The following TRPC4AP variants were observed in gnomAD, a reference collection of about 807,000 sequenced individuals.
TRPC4AP encodes transient receptor potential cation channel subfamily C member 4 associated protein, also known as short transient receptor potential channel 4-associated protein.
TRPC4AP carries 45 observed loss-of-function variants against 99.0 expected under a neutral mutation model. The observed-to-expected ratio is 0.45, with a 90% CI of 0.36 to 0.58. The LOEUF (loss-of-function observed/expected upper bound fraction) is 0.58. Among genes scored for constraint, TRPC4AP ranks in the 20% least tolerant of loss-of-function variants. The pLI, the probability that TRPC4AP is intolerant of heterozygous loss-of-function variation, is 0.00. For synonymous variants in TRPC4AP, 408 were observed against 385.8 expected (o/e 1.06, Z -0.67); for missense variants, 879 against 985.3 (o/e 0.89, Z 1.44).
At chr20:35,077,966 G>A (rs769981494) in intron 2 of TRPC4AP, 80 bp downstream of exon 2, 103 of 1,459,434 alleles carry the variant, frequency 7.1e-5, no homozygotes, top group Admixed American at 1.6e-4. Context: ...AAAAGCCAAC[G>A]GAAGGGAAAA....
intron 3 of TRPC4AP, among the ~76,000 whole-genome samples, chr20:35,062,994 T>C (rs2084047005): frequency 6.6e-6 from 1 of 152,250 alleles, no homozygotes; most frequent in Admixed American, 6.5e-5. Flanking sequence ...TTTGGCTGTG[T>C]GCCCTCACCC....
At chr20:35,021,487 G>A (rs1419800637) in intron 8 of TRPC4AP, 131 bp from the exon 9 acceptor site, 3 of 1,040,264 alleles carry the variant, frequency 2.9e-6, no homozygotes, top group Non-Finnish European at 2.7e-6. Context: ...CACAGACTCT[G>A]AAAGCTGCAA....
intron 1 of TRPC4AP, among the ~76,000 whole-genome samples, chr20:35,079,679 G>A (rs2084577459): frequency 6.6e-6 from 1 of 152,038 alleles, no homozygotes; most frequent in East Asian, 1.9e-4. Flanking sequence ...CTAATATGTG[G>A]TACATAAGAG....
chr20:35,044,742 A>G (rs1399869041), intron 6 of TRPC4AP, 30 bp from the exon 7 acceptor site: 2 of 1,607,026 alleles, frequency 1.2e-6, no homozygotes, highest in East Asian at 4.5e-5. Flanking sequence ...AACAATCCCC[A>G]TGCTCAATTC....
chr20:35,066,327 T>C lies in TRPC4AP; in HGVS notation c.414+2969A>G, dbSNP rs951997765. ...TTGCCGTGTTGCCCAGGCTGGTCTC[T>C]AACTCCTCAACTCATGCAATCCGCC... On this transcript the variant is annotated intron_variant, in intron 3 of 18. Coordinates refer to ENST00000252015, the MANE Select transcript of TRPC4AP (RefSeq NM_015638.3). Among the ~76,000 whole-genome samples, 16 of 152,066 alleles carry C rather than the reference T, an allele frequency of 1.1e-4. 1 individual carries two copies. Among genetic ancestry groups the C allele is most frequent in the Admixed American group, 7.2e-4 (11 of 15,260 alleles).
intron 1 of TRPC4AP, among the ~76,000 whole-genome samples, chr20:35,080,625 G>A (rs1034558674): frequency 3.6e-4 from 55 of 150,758 alleles, no homozygotes; most frequent in African/African-American, 1.2e-3. Context: ...TCCAGAATAA[G>A]CATATCCAGA....
intron 9 of TRPC4AP, among the ~76,000 whole-genome samples, chr20:35,019,407 G>C (rs2082833201): frequency 6.6e-6 from 1 of 152,160 alleles, no homozygotes; most frequent in South Asian, 2.1e-4. Flanking sequence ...AGGGAACAGA[G>C]AACTGCTGTG....
chr20:35,011,061 C>G (rs528139393), intron 11 of TRPC4AP, among the ~76,000 whole-genome samples: 5 of 152,298 alleles, frequency 3.3e-5, no homozygotes, highest in African/African-American at 1.2e-4. Flanking sequence ...GAGTTCGAGA[C>G]CAGCCTGGCC....
intron 4 of TRPC4AP, among the ~76,000 whole-genome samples, chr20:35,055,894 TA>T (rs2083814694): frequency 6.6e-6 from 1 of 152,216 alleles, no homozygotes; most frequent in African/African-American, 2.4e-5. Flanking sequence ...GAAAGTAGCA[TA>T]AAAACGAAAC....
intron 1 of TRPC4AP, among the ~76,000 whole-genome samples, chr20:35,084,670 ATG>A (rs1417515876): frequency 7.9e-6 from 1 of 127,060 alleles, no homozygotes; most frequent in Non-Finnish European, 1.5e-5. Context: ...ATATGTGTAT[ATG>A]TATATATGTT....
chr20:35,060,584 C>CGAAAAAAAAAAAAAAAAAAAA (rs1569133058), intron 3 of TRPC4AP, among the ~76,000 whole-genome samples: 2 of 45,886 alleles, frequency 4.4e-5, no homozygotes, highest in Non-Finnish European at 8.6e-5. Context: ...GACCTTGTCT[C>CGAAAAAAAAAAAAAAAAAAAA]CAAAAAAAAA....
rs769992424 is a variant in TRPC4AP at position 35,004,582 on chromosome 20, G to A, written c.1937-12C>T. The A allele has an allele frequency of 6.2e-7, 1 of 1,611,118 alleles. No homozygotes were observed. The highest frequency in any genetic ancestry group is 1.1e-5 in the South Asian group (1 of 90,672). On this transcript the variant is annotated splice_polypyrimidine_tract_variant and intron_variant, in intron 16 of 18. Transcript: ENST00000252015. The stretch of plus-strand genomic sequence containing the variant: ...CAGTACCTCGGCAACTGTGGAGGGA[G>A]GCAGGGGTGCAGCAGGTCAGGCTTA...
chr20:35,016,668 G>A (rs755164840), intron 9 of TRPC4AP, among the ~76,000 whole-genome samples: 3 of 152,162 alleles, frequency 2.0e-5, no homozygotes, highest in Non-Finnish European at 4.4e-5. Flanking sequence ...AAGCCTTTCT[G>A]AAGGATTATA....
At chr20:35,046,614 C>T (rs2147366418) in intron 6 of TRPC4AP, among the ~76,000 whole-genome samples, 1 of 152,288 alleles carries the variant, frequency 6.6e-6, no homozygotes, top group Non-Finnish European at 1.5e-5. Context: ...TTCCTAGAAG[C>T]TCTCATGAAT....
Position 35,007,556 on chromosome 20 carries a change from G to A in TRPC4AP, c.1680C>T (p.Leu560=). ...ADQMFLLKRG[L]LEHILYCIVD... The stretch of plus-strand genomic sequence containing the variant: ...TGGCTGCTCCAGATCATACCTCCAA[G>A]AGGCCTCGCTTCAGCAGGAACATCT... The change falls in exon 14 of 19, where the codon CTC becomes CTT. Residue 560 remains leucine, a synonymous_variant. Coordinates refer to ENST00000252015, the MANE Select transcript of TRPC4AP (RefSeq NM_015638.3). 6.2e-7 allele frequency: 1 copy of A among 1,614,182 alleles called. No individual in the cohort carries two copies. Among genetic ancestry groups the A allele is most frequent in the South Asian group, 1.1e-5 (1 of 91,090 alleles).
intron 3 of TRPC4AP, among the ~76,000 whole-genome samples, chr20:35,068,036 T>C (rs1569139185): frequency 6.6e-6 from 1 of 152,054 alleles, no homozygotes; most frequent in African/African-American, 2.4e-5. Context: ...TAAAGCTGAT[T>C]AAAAAAAACT....
chr20:35,076,851 T>C (rs2084493099), intron 2 of TRPC4AP, among the ~76,000 whole-genome samples: 1 of 152,208 alleles, frequency 6.6e-6, no homozygotes. Flanking sequence ...AGCTATGCCC[T>C]GCTCCCAGAG....
Position 35,049,971 on chromosome 20 carries a change from C to T in TRPC4AP, c.552G>A (p.Leu184=). The change falls in exon 6 of 19, where the codon TTG becomes TTA. Residue 184 remains leucine (L), a synonymous_variant. Transcript: ENST00000252015. ...CVCTEGVTKR[L]AEKNDFVIFL... is the part of the protein sequence containing the mutation. ...AGATCACAAAGTCATTCTTTTCTGCCAAACGCTTTGTAACTCCCTCTGTCT... is the reference window on the plus strand; with the variant it reads ...AGATCACAAAGTCATTCTTTTCTGCTAAACGCTTTGTAACTCCCTCTGTCT... 1 of 1,613,736 alleles carries T rather than the reference C, an allele frequency of 6.2e-7. No individual in the cohort carries two copies. The highest frequency in any genetic ancestry group is 8.5e-7 in the Non-Finnish European group (1 of 1,179,836).
At chr20:35,020,346 TG>T (rs759082264) in intron 9 of TRPC4AP, among the ~76,000 whole-genome samples, 1 of 152,176 alleles carries the variant, frequency 6.6e-6, no homozygotes, top group Non-Finnish European at 1.5e-5. Context: ...TGACATGACC[TG>T]GTCCCTGTGA....
Sources: gnomAD v4.1 joint callset for allele counts (sites outside exome capture counted in the v4.1 genomes callset) on GRCh38, gnomAD v4.1.1 for gene constraint, MANE v1.5 for transcripts, NCBI Gene and HGNC (gene_info 2026-07-23, HGNC 2026-07-21) for gene names.